CEP70: variants seen among roughly 807,000 people sequenced by gnomAD.
CEP70 encodes centrosomal protein 70.
Under a neutral mutation model 90.9 loss-of-function variants are expected in CEP70, and 70 were observed. The observed-to-expected ratio is 0.77, with a 90% CI of 0.64 to 0.94. The LOEUF (loss-of-function observed/expected upper bound fraction) is 0.94. CEP70 is among the 40% of genes least tolerant of loss of function. The pLI is 0.00. For missense variants in CEP70, 648 were observed against 669.0 expected, an observed-to-expected ratio of 0.97 and a Z score of 0.35; for synonymous variants, 220 against 228.3, an observed-to-expected ratio of 0.96 and a Z score of 0.33.
intron 6 of CEP70, among the ~76,000 whole-genome samples, chr3:138,541,142 G>T (rs1239976942): frequency 6.6e-6 from 1 of 152,156 alleles, no homozygotes; most frequent in Non-Finnish European, 1.5e-5. Context: ...TGGGCTTAAT[G>T]CCTGGGTGAT....
Position 138,532,426 on chromosome 3 carries a change from G to A in CEP70, c.692+88C>T, listed in dbSNP as rs905934261. The A allele has an allele frequency of 3.4e-6, 4 of 1,163,276 alleles. No homozygotes were observed. In the African/African-American group the frequency reaches 4.9e-5, roughly 14 times the overall value. The allele number at this position is 1,163,276 out of a possible 1,614,324, so 72.1% of individuals were successfully genotyped here. Reference sequence around the variant, plus strand: ...GTGACATATTAGGTGGATTTCCATAGTATATTAAAGTTTCAAAAGCTACAG... The same window carrying A: ...GTGACATATTAGGTGGATTTCCATAATATATTAAAGTTTCAAAAGCTACAG... On this transcript the variant is annotated intron_variant, in intron 8 of 17. Coordinates refer to ENST00000264982, the MANE Select transcript of CEP70 (RefSeq NM_024491.4).
intron 12 of CEP70, 101 bp from the exon 13 acceptor site, chr3:138,505,566 A>T (rs2034910680): frequency 1.6e-6 from 1 of 628,732 alleles, no homozygotes; most frequent in Non-Finnish European, 2.4e-6. Flanking sequence ...TTATATACAC[A>T]TATTTCATTA....
chr3:138,517,510 CA>C (rs1184549366), intron 11 of CEP70, among the ~76,000 whole-genome samples: 1 of 150,932 alleles, frequency 6.6e-6, no homozygotes. Flanking sequence ...ACTAAAAATA[CA>C]AAAAAAAATT....
In CEP70 at chr3:138,529,303, T is replaced by C. The variant is rs1171992138; in HGVS notation, c.781-16A>G. 14 of 1,580,564 alleles carry C rather than the reference T, an allele frequency of 8.9e-6. No homozygotes were observed. Among genetic ancestry groups the C allele is most frequent in the Non-Finnish European group, 1.2e-5 (14 of 1,158,702 alleles). The stretch of plus-strand genomic sequence containing the variant: ...TCTGTAATGACTGCAACACATTTCA[T>C]AGAAAAATAATTAACTTTCTTAGAT... On this transcript the variant is annotated splice_polypyrimidine_tract_variant and intron_variant, in intron 9 of 17. Coordinates refer to ENST00000264982, the MANE Select transcript of CEP70 (RefSeq NM_024491.4).
At chr3:138,591,645 T>C (rs1375736169) in intron 2 of CEP70, among the ~76,000 whole-genome samples, 1 of 152,120 alleles carries the variant, frequency 6.6e-6, no homozygotes, top group East Asian at 1.9e-4. Context: ...GTGATTAGAG[T>C]TGGTGATCAG....
intron 2 of CEP70, among the ~76,000 whole-genome samples, chr3:138,591,033 A>G (rs923336744): frequency 1.3e-5 from 2 of 152,198 alleles, no homozygotes; most frequent in African/African-American, 4.8e-5. Flanking sequence ...ATTTTGTTAA[A>G]TAACAAAAAA....
intron 6 of CEP70, among the ~76,000 whole-genome samples, chr3:138,550,151 C>T (rs59371015): frequency 0.12 from 18,068 of 152,018 alleles, 2,195 homozygotes; most frequent in East Asian, 0.38. Flanking sequence ...CAAAACAAGG[C>T]TCTTTAACAC....
At chr3:138,565,921 C>A (rs188656132) in intron 6 of CEP70, among the ~76,000 whole-genome samples, 302 of 152,156 alleles carry the variant, frequency 2.0e-3, no homozygotes, top group South Asian at 8.5e-3. Context: ...TTGCAATCTA[C>A]CCATCTGACA....
intron 6 of CEP70, among the ~76,000 whole-genome samples, chr3:138,549,632 G>A (rs902524153): frequency 6.6e-6 from 1 of 152,088 alleles, no homozygotes; most frequent in Admixed American, 6.5e-5. Context: ...TATCTGCTCT[G>A]GTAGCTGAAG....
chr3:138,573,651 T>A (rs550862471), intron 2 of CEP70, among the ~76,000 whole-genome samples: 1 of 151,950 alleles, frequency 6.6e-6, no homozygotes, highest in East Asian at 1.9e-4. Flanking sequence ...TAGAAAAAAA[T>A]AGAGCAAAAA....
intron 6 of CEP70, among the ~76,000 whole-genome samples, chr3:138,564,285 C>T (rs549038854): frequency 1.3e-5 from 2 of 152,340 alleles, no homozygotes; most frequent in South Asian, 4.1e-4. Context: ...GGAGCTGGTA[C>T]CTTTCCTTCT....
chr3:138,510,466 TG>T (rs1292709923), intron 11 of CEP70, among the ~76,000 whole-genome samples: 1 of 151,070 alleles, frequency 6.6e-6, no homozygotes, highest in African/African-American at 2.4e-5. Context: ...TTAGGACTAA[TG>T]GCATGGAGAG....
At chr3:138,564,362 C>A (rs1284491009) in intron 6 of CEP70, among the ~76,000 whole-genome samples, 1 of 152,176 alleles carries the variant, frequency 6.6e-6, no homozygotes, top group Non-Finnish European at 1.5e-5. Flanking sequence ...CCAACATCAT[C>A]CTGATACCAA....
At chr3:138,523,439 C>T (rs1439128125) in intron 11 of CEP70, among the ~76,000 whole-genome samples, 2 of 152,102 alleles carry the variant, frequency 1.3e-5, no homozygotes, top group African/African-American at 4.8e-5. Context: ...CAAATTGTCC[C>T]TGTTTGCAGA....
intron 2 of CEP70, 40 bp from the exon 3 acceptor site, chr3:138,572,972 A>C: frequency 7.0e-7 from 1 of 1,428,484 alleles, no homozygotes; most frequent in Non-Finnish European, 9.7e-7. Flanking sequence ...GGCAATTAAA[A>C]AATTTGAGTT....
chr3:138,531,670 C>T (rs922649122), intron 8 of CEP70: 8 of 148,378 alleles, frequency 5.4e-5, no homozygotes, highest in African/African-American at 2.0e-4. Flanking sequence ...TAGTTGCTCT[C>T]TTCTTCCCTT....
rs755137638 is a variant in CEP70, at chr3:138,508,530, A to G, written c.959T>C (p.Ile320Thr). The G allele has an allele frequency of 3.7e-6, 6 of 1,607,620 alleles. No homozygotes were observed. Among genetic ancestry groups the G allele is most frequent in the Non-Finnish European group, 5.1e-6 (6 of 1,174,346 alleles). The change falls in exon 12 of 18, where the codon ATT becomes ACT. Residue 320 changes from isoleucine (I) to threonine (T), a missense_variant. Ile to Thr is a moderately conservative substitution (Grantham distance 89). Transcript: ENST00000264982. ...LKKNVKLQEL[I>T]NHKKAEDTEK... ...TGTGTCCTCAGCCTTCTTATGATTA[A>G]TAAGCTCCTGTAATCTAAAAGGGGG...
chr3:138,522,071 T>TA (rs2036710952), intron 11 of CEP70, among the ~76,000 whole-genome samples: 1 of 152,142 alleles, frequency 6.6e-6, no homozygotes, highest in African/African-American at 2.4e-5. Context: ...GTTAAACAGA[T>TA]GCTTAAAGGC....
rs774120356 is a variant in CEP70, at chr3:138,571,179, T to C, written c.161-22A>G. 24 of 1,556,714 alleles carry C rather than the reference T, an allele frequency of 1.5e-5. 1 individual carries two copies. The South Asian group carries it at 2.2e-4, about 14-fold the overall frequency. ...AGATCTACATTTAAAAAGTATATAA[T>C]ACAGATAGTAAAAATAAAAGGCAAA... On this transcript the variant is annotated intron_variant, in intron 4 of 17. Coordinates refer to ENST00000264982, the MANE Select transcript of CEP70 (RefSeq NM_024491.4).
Sources: allele counts gnomAD v4.1 joint callset (sites outside exome capture counted in the v4.1 genomes callset), GRCh38; gene constraint gnomAD v4.1.1; transcripts MANE v1.5; gene names NCBI Gene and HGNC (gene_info 2026-07-23, HGNC 2026-07-21).